Variants in TEX11 observed in about 807,000 individuals in gnomAD.
TEX11 encodes the protein testis-expressed protein 11.
Under a neutral mutation model 84.4 loss-of-function variants are expected in TEX11, and 7 were observed. The observed-to-expected ratio is 0.08, with a 90% CI of 0.05 to 0.16. The LOEUF is 0.16. Among genes scored for constraint, TEX11 ranks in the 10% least tolerant of loss-of-function variants. The probability of loss-of-function intolerance (pLI) is 1.00; values close to 1 mark genes in which losing one functional copy is unlikely to be tolerated. For synonymous variants in TEX11, 264 were observed against 222.8 expected (o/e 1.18, Z -1.64); for missense variants, 551 against 660.5 (o/e 0.83, Z 1.82).
chrX:70,680,919 T>C (rs2147656436), intron 14 of TEX11, among the ~76,000 whole-genome samples: 1 of 112,684 alleles, frequency 8.9e-6, no homozygotes, highest in Admixed American at 9.4e-5. Context: ...GCTTATACTA[T>C]TATGTGCTAA....
chrX:70,908,574 T>C (rs1224552431), intron 1 of TEX11, 80 bp downstream of exon 1: 1 of 112,087 alleles, frequency 8.9e-6, no homozygotes, highest in Admixed American at 9.5e-5. Flanking sequence ...GGCTATAATA[T>C]ATTCTTGCTA....
chrX:70,581,294 C>CTTTTT (rs35102694), intron 25 of TEX11, among the ~76,000 whole-genome samples: 1 of 43,627 alleles, frequency 2.3e-5, no homozygotes, highest in Non-Finnish European at 4.1e-5. Flanking sequence ...TATACTGTTG[C>CTTTTT]TTTTTTTTTT....
chrX:70,666,727 A>G (rs778372871), intron 16 of TEX11, among the ~76,000 whole-genome samples: 7 of 111,617 alleles, frequency 6.3e-5, no homozygotes, highest in African/African-American at 2.3e-4. Flanking sequence ...CCCTGATCAC[A>G]TCTCCTAATT....
rs147872290 is a variant in TEX11, at chrX:70,833,742, A to G, written c.526-149T>C. The stretch of plus-strand genomic sequence containing the variant: ...TACTAGTTGTTCAAGCTAAACAGAT[A>G]GCTTGCTCAAAATACAGAAGAATAA... On this transcript the variant is annotated intron_variant, in intron 7 of 29. Transcript: ENST00000374333. 6.0e-4 allele frequency: 275 copies of G among 455,089 alleles called. 2 individuals carry two copies. The highest frequency in any genetic ancestry group is 6.0e-3 in the African/African-American group (240 of 39,739). 37.5% of individuals were successfully genotyped at this position (455,089 alleles called of 1,213,427 possible).
At chrX:70,903,435 G>A (rs977329853) in intron 2 of TEX11, among the ~76,000 whole-genome samples, 6 of 110,573 alleles carry the variant, frequency 5.4e-5, no homozygotes, top group Admixed American at 9.6e-5. Flanking sequence ...ACATCACTAG[G>A]GGATAGGAAC....
chrX:70,884,588 G>A (rs779879058), intron 2 of TEX11, among the ~76,000 whole-genome samples: 4 of 111,270 alleles, frequency 3.6e-5, no homozygotes, highest in South Asian at 3.8e-4. Context: ...ATTGTAAATC[G>A]TAATTTCTAT....
At chrX:70,564,166 T>C (rs2088418472) in intron 25 of TEX11, among the ~76,000 whole-genome samples, 1 of 111,996 alleles carries the variant, frequency 8.9e-6, no homozygotes, top group African/African-American at 3.2e-5. Flanking sequence ...GAGGCAAATA[T>C]TGCAGTAAGC....
At position 70,666,402 on chromosome X, in the gene TEX11, A is replaced by ATGTT. The variant is rs1207215460; in HGVS notation, c.1380+3974_1380+3975insAACA. On this transcript the variant is annotated intron_variant, in intron 16 of 29. Transcript: ENST00000374333. ...CATAGATCATGGCTAGGAAGCAGCAAGTACTCCAGTTGAGGACAAACATAG... is the reference window on the plus strand; with the variant it reads ...CATAGATCATGGCTAGGAAGCAGCAATGTTGTACTCCAGTTGAGGACAAACATAG... 4.5e-5 allele frequency among the ~76,000 whole-genome samples: 5 copies of ATGTT among 112,346 alleles called. No individual in the cohort carries two copies. The East Asian group carries it at 1.4e-3, about 31-fold the overall frequency.
intron 13 of TEX11, among the ~76,000 whole-genome samples, chrX:70,715,064 C>G: frequency 9.0e-6 from 1 of 111,365 alleles, no homozygotes; most frequent in Non-Finnish European, 1.9e-5. Flanking sequence ...CTTAGTTTGG[C>G]TGGACATGAA....
intron 7 of TEX11, among the ~76,000 whole-genome samples, chrX:70,849,911 G>A (rs945829324): frequency 4.5e-5 from 5 of 111,867 alleles, no homozygotes; most frequent in South Asian, 3.7e-4. Flanking sequence ...GGTGTTAAAA[G>A]GGACTTAAGG....
At chrX:70,530,181 A>C (rs1053738785) in intron 28 of TEX11, among the ~76,000 whole-genome samples, 182 bp from the exon 29 acceptor site, 1 of 111,493 alleles carries the variant, frequency 9.0e-6, no homozygotes, top group African/African-American at 3.3e-5. Context: ...CAGCTGTAGA[A>C]TGTTCCATAG....
chrX:70,786,383 T>C (rs1186751707), intron 9 of TEX11, among the ~76,000 whole-genome samples: 1 of 111,479 alleles, frequency 9.0e-6, no homozygotes, highest in African/African-American at 3.3e-5. Flanking sequence ...GATGAGTTGA[T>C]GGGTGCAGCA....
At chrX:70,829,339 G>A (rs150523604) in intron 8 of TEX11, among the ~76,000 whole-genome samples, 2,424 of 109,935 alleles carry the variant, frequency 0.022, 73 homozygotes, top group South Asian at 0.16. Flanking sequence ...AAAATTATCC[G>A]GGTGTGGTGG....
At chrX:70,651,387 T>G (rs2089808757) in intron 17 of TEX11, 63 bp downstream of exon 17, 1 of 774,869 alleles carries the variant, frequency 1.3e-6, no homozygotes, top group South Asian at 2.7e-5. Flanking sequence ...CCCACTGTGG[T>G]TGAAGAGGAT....
chrX:70,701,502 C>T (rs771858960), intron 13 of TEX11, among the ~76,000 whole-genome samples: 3 of 112,042 alleles, frequency 2.7e-5, no homozygotes, highest in Non-Finnish European at 5.6e-5. Context: ...TGCTCGTTGA[C>T]AATGCATCTG....
At chrX:70,593,001 G>T (rs868350034) in intron 24 of TEX11, among the ~76,000 whole-genome samples, 1 of 109,078 alleles carries the variant, frequency 9.2e-6, no homozygotes, top group Non-Finnish European at 1.9e-5. Context: ...TCCTTCAAAG[G>T]GGTCTTCTTT....
chrX:70,710,775 G>A (rs915549773), intron 13 of TEX11, among the ~76,000 whole-genome samples: 2 of 110,726 alleles, frequency 1.8e-5, no homozygotes, highest in African/African-American at 3.3e-5. Flanking sequence ...AGGATTCACT[G>A]AGAAAGATAT....
Position 70,863,545 on chromosome X carries a change from C to T in TEX11, c.245-2609G>A, listed in dbSNP as rs144865232. On this transcript the variant is annotated intron_variant, in intron 4 of 29. Coordinates refer to ENST00000374333, the MANE Select transcript of TEX11 (RefSeq NM_031276.3). The stretch of plus-strand genomic sequence containing the variant: ...ACAACATCAACATCAACAAAAAGGA[C>T]CCCCACACAAAAACCCCATCCAAAG... Among the ~76,000 whole-genome samples the T allele has an allele frequency of 2.1e-3, 231 of 111,490 alleles. 2 individuals are homozygous for T. In the East Asian group the frequency reaches 0.022, roughly 11 times the overall value.
rs1264351896 is a variant in TEX11, at chrX:70,666,738, CTCCTAATGT to C, written c.1380+3630_1380+3638del. Among the ~76,000 whole-genome samples the C allele has an allele frequency of 3.6e-5, 4 of 111,955 alleles. No individual in the cohort carries two copies. In the South Asian group the frequency reaches 1.1e-3, roughly 32 times the overall value. ...ACTTCCCTGATCACATCTCCTAATT[CTCCTAATGT>C]TCCCTCAGCTCCAGCCACAAAGGTC... is the stretch of plus-strand genomic sequence containing the variant. On this transcript the variant is annotated intron_variant, in intron 16 of 29. Transcript: ENST00000374333.
Sources: allele counts gnomAD v4.1 joint callset (sites outside exome capture counted in the v4.1 genomes callset), GRCh38; gene constraint gnomAD v4.1.1; transcripts MANE v1.5; gene names NCBI Gene and HGNC (gene_info 2026-07-23, HGNC 2026-07-21).